The following PDZD9 variants were observed in gnomAD, a reference collection of about 807,000 sequenced individuals.
PDZD9 encodes PDZ domain containing 9.
Under a neutral mutation model 16.3 loss-of-function variants are expected in PDZD9, and 13 were observed. The observed-to-expected ratio is 0.80, with a 90% CI of 0.52 to 1.27. The LOEUF (loss-of-function observed/expected upper bound fraction) is 1.27, where lower values mean the gene tolerates loss of function less well. PDZD9 is among the 50% of genes most tolerant of loss of function. PDZD9 has a pLI of 0.00. For missense variants in PDZD9, 288 were observed against 310.9 expected, an observed-to-expected ratio of 0.93 and a Z score of 0.55; for synonymous variants, 120 against 111.0, an observed-to-expected ratio of 1.08 and a Z score of -0.51.
the PDZD9 span, chr16:21,972,126 A>G: frequency 6.2e-7 from 1 of 1,611,350 alleles, no homozygotes; most frequent in Non-Finnish European, 8.5e-7. Flanking sequence ...ATTTGATGTG[A>G]GTCTGAACAG....
chr16:21,957,706 C>A, the PDZD9 span: 1 of 1,264,672 alleles, frequency 7.9e-7, no homozygotes, highest in Non-Finnish European at 1.1e-6. Flanking sequence ...GTAGCTTAAA[C>A]CAAATAAGTT....
chr16:21,973,850 T>TTTTA, the PDZD9 span: 4 of 1,573,352 alleles, frequency 2.5e-6, no homozygotes, highest in Non-Finnish European at 3.5e-6. Flanking sequence ...TCGTGCCCTG[T>TTTTA]TTTACTTGGT....
intron 1 of PDZD9, chr16:21,998,801 A>AT (rs1555518396): frequency 6.6e-6 from 1 of 151,514 alleles, no homozygotes; most frequent in South Asian, 2.1e-4. Context: ...AAAAAAAAAA[A>AT]AGAGAGAGAA....
chr16:21,958,547 G>A, the PDZD9 span: 1 of 1,612,268 alleles, frequency 6.2e-7, no homozygotes, highest in African/African-American at 1.3e-5. Flanking sequence ...GACAAAAGGA[G>A]CTTCATCTTT....
At chr16:21,970,647 G>T in the PDZD9 span, among the ~76,000 whole-genome samples, 5 of 151,952 alleles carry the variant, frequency 3.3e-5, no homozygotes, top group African/African-American at 4.8e-5. Flanking sequence ...GTGCAGTGGC[G>T]CAATCTCAGC....
At chr16:21,979,084 CAAGGAAAAGGCAA>C (rs1898653460), downstream of PDZD9, among the ~76,000 whole-genome samples, 1 of 152,150 alleles carries the variant, frequency 6.6e-6, no homozygotes, top group Non-Finnish European at 1.5e-5. Context: ...CCACTTCATA[CAAGGAAAAGGCAA>C]AAGGAAAAGG....
chr16:21,983,448 T>G (rs2141951982), downstream of PDZD9: 1 of 437,440 alleles, frequency 2.3e-6, no homozygotes, highest in Non-Finnish European at 4.0e-6. Flanking sequence ...AATATAATTA[T>G]TGAGTATAGA....
the PDZD9 span, chr16:21,976,405 T>C: frequency 1.6e-6 from 1 of 627,496 alleles, no homozygotes; most frequent in Non-Finnish European, 2.6e-6. Flanking sequence ...GATATAATTG[T>C]TAACATTTTG....
the PDZD9 span, among the ~76,000 whole-genome samples, chr16:21,958,955 C>A: frequency 2.6e-5 from 4 of 152,154 alleles, no homozygotes; most frequent in Non-Finnish European, 5.9e-5. Context: ...ACTAAGTGTA[C>A]AATGACATTT....
chr16:21,958,504 CT>C, the PDZD9 span: 1 of 1,604,982 alleles, frequency 6.2e-7, no homozygotes, highest in Non-Finnish European at 8.5e-7. Context: ...CATTGAAAAG[CT>C]ACAAAGATAA....
At chr16:21,988,003 C>CT (rs773101505) in intron 3 of PDZD9, among the ~76,000 whole-genome samples, 62,941 of 100,790 alleles carry the variant, frequency 0.62, 21,473 homozygotes, top group Non-Finnish European at 0.74. Context: ...GCAAGAAGCA[C>CT]TTTTTTTTTT....
chr16:21,973,202 C>G, the PDZD9 span, among the ~76,000 whole-genome samples: 1 of 152,200 alleles, frequency 6.6e-6, no homozygotes, highest in Non-Finnish European at 1.5e-5. Flanking sequence ...ATAAGAATTA[C>G]CTGGAACACT....
the PDZD9 span, chr16:21,971,995 G>T: frequency 6.2e-7 from 1 of 1,614,072 alleles, no homozygotes; most frequent in African/African-American, 1.3e-5. Context: ...GTCGCGGGAA[G>T]TGCAGAGGCA....
intron 2 of PDZD9, among the ~76,000 whole-genome samples, chr16:21,991,927 T>C (rs1395550974): frequency 1.3e-5 from 2 of 152,012 alleles, no homozygotes; most frequent in East Asian, 3.9e-4. Flanking sequence ...TAGAAAGGTA[T>C]GGGCTTTCTA....
chr16:21,998,168 G>A (rs1466355855), intron 1 of PDZD9: 1 of 152,248 alleles, frequency 6.6e-6, no homozygotes, highest in African/African-American at 2.4e-5. Context: ...AAACAGAGAA[G>A]TCACATCTTG....
chr16:21,993,233 A>G (rs568958546), intron 2 of PDZD9, among the ~76,000 whole-genome samples: 26 of 152,160 alleles, frequency 1.7e-4, no homozygotes, highest in African/African-American at 5.8e-4. Flanking sequence ...CAAAGAGCCC[A>G]CTAACTATAG....
rs1898830418 is a variant in PDZD9 at position 21,984,637 on chromosome 16, G to A, written c.425C>T (p.Ala142Val). 2.0e-6 allele frequency: 3 copies of A among 1,512,192 alleles called. No homozygotes were observed. Among genetic ancestry groups the A allele is most frequent in the African/African-American group, 2.8e-5 (2 of 71,572 alleles). The allele number at this position is 1,512,192 out of a possible 1,614,324, so 93.7% of individuals were successfully genotyped here. A position where few individuals can be genotyped will look rare whatever the true frequency, so the allele number is the denominator to read the frequency against. Residue 142 changes from alanine to valine, a missense_variant, in exon 4 of 4, where the codon GCA becomes GTA. Coordinates refer to ENST00000424898, the MANE Select transcript of PDZD9 (RefSeq NM_001363519.1). ...ACTGCTTGTGAAAGATTCATCTTTT[G>A]CCAGCTCAATTTTCTTTGGTGTGCT... The part of the protein sequence containing the change: ...VTSTPKKIEL[A>V]KDESFTSSDD...
chr16:21,961,094 C>G, the PDZD9 span, among the ~76,000 whole-genome samples: 1 of 152,142 alleles, frequency 6.6e-6, no homozygotes, highest in Admixed American at 6.5e-5. Flanking sequence ...GCCCAGCATG[C>G]TGGGATTGCA....
the PDZD9 span, among the ~76,000 whole-genome samples, chr16:21,960,693 G>C: frequency 6.6e-6 from 1 of 152,048 alleles, no homozygotes; most frequent in Non-Finnish European, 1.5e-5. Flanking sequence ...GTATACTTAG[G>C]GGCCATTGTC....
Sources: gnomAD v4.1 joint callset for allele counts (sites outside exome capture counted in the v4.1 genomes callset) on GRCh38, gnomAD v4.1.1 for gene constraint, MANE v1.5 for transcripts, NCBI Gene and HGNC (gene_info 2026-07-23, HGNC 2026-07-21) for gene names.